ELP4: variants seen among roughly 807,000 people sequenced by gnomAD.
ELP4 encodes elongator complex protein 4.
Under a neutral mutation model 48.9 loss-of-function variants are expected in ELP4, and 51 were observed. That is an observed-to-expected ratio of 1.04 (90% CI 0.83 to 1.32). ELP4 has a LOEUF of 1.32. ELP4 is among the 40% of genes most tolerant of loss of function. The pLI is 0.00. For synonymous variants in ELP4, 210 were observed against 189.2 expected, an observed-to-expected ratio of 1.11 and a Z score of -0.90; for missense variants, 519 against 514.6, an observed-to-expected ratio of 1.01 and a Z score of -0.08.
rs1251898628 is a variant in ELP4, at chr11:31,594,805, A to G, written c.417A>G (p.Lys139=). Residue 139 remains lysine, a synonymous_variant, in exon 4 of 10, where the codon AAA becomes AAG. Transcript: ENST00000640961. ...LPAPLLDDKC[K]KEFDEDVYNH... is the part of the protein sequence containing the mutation. ...CACCATTACTTGATGATAAATGTAAAAAGGAATTTGATGAAGATGTATACA... is the reference window on the plus strand; with the variant it reads ...CACCATTACTTGATGATAAATGTAAGAAGGAATTTGATGAAGATGTATACA... 6.5e-7 allele frequency: 1 copy of G among 1,534,062 alleles called. No homozygotes were observed. The highest frequency in any genetic ancestry group is 8.7e-7 in the Non-Finnish European group (1 of 1,148,490).
At chr11:31,520,170 C>A in intron 2 of ELP4, 79 bp downstream of exon 2, 3 of 1,235,000 alleles carry the variant, frequency 2.4e-6, no homozygotes, top group African/African-American at 1.5e-5. Context: ...ATTCCCATTC[C>A]AAAATTATTT....
intron 7 of ELP4, chr11:31,637,420 A>T (rs2134054445): frequency 6.6e-6 from 1 of 152,110 alleles, no homozygotes; most frequent in South Asian, 2.1e-4. Context: ...AAGTAACTAA[A>T]ACACTATATT....
In ELP4 at chr11:31,745,336, A is replaced by G. The variant is rs1009996826; in HGVS notation, c.1144-38057A>G. On this transcript the variant is annotated intron_variant, in intron 9 of 9. Transcript: ENST00000640961. ...CTGCCCAAGGTAATTTATAGATTCA[A>G]TGCCATCCCCATCAAGCTACCAATG... Among the ~76,000 whole-genome samples, 127 of 152,328 alleles carry G rather than the reference A, an allele frequency of 8.3e-4. 1 individual carries two copies. Among genetic ancestry groups the G allele is most frequent in the African/African-American group, 2.9e-3 (122 of 41,582 alleles).
At position 31,587,697 on chromosome 11, in the gene ELP4, T is replaced by C. The variant is rs191610850; in HGVS notation, c.382-7073T>C. 5.9e-5 allele frequency among the ~76,000 whole-genome samples: 9 copies of C among 152,262 alleles called. No individual in the cohort carries two copies. In the East Asian group the frequency reaches 1.5e-3, roughly 26 times the overall value. ...TTATGTAATACTATTGTTATGGTAA[T>C]ATTTTTCTAGCATATTTATGGGTAA... On this transcript the variant is annotated intron_variant, in intron 3 of 9. Coordinates refer to ENST00000640961, the MANE Select transcript of ELP4 (RefSeq NM_019040.5).
At chr11:31,533,601 G>A (rs1466327080) in intron 2 of ELP4, among the ~76,000 whole-genome samples, 2 of 151,476 alleles carry the variant, frequency 1.3e-5, no homozygotes, top group East Asian at 3.9e-4. Flanking sequence ...TGTTAGCCAG[G>A]ATGGTCTCGA....
chr11:31,626,947 T>G (rs1046148211), intron 5 of ELP4, among the ~76,000 whole-genome samples, 163 bp from the exon 6 acceptor site: 1 of 151,940 alleles, frequency 6.6e-6, no homozygotes, highest in African/African-American at 2.4e-5. Context: ...ATTCCCTGTA[T>G]GTATTGACTT....
intron 9 of ELP4, among the ~76,000 whole-genome samples, chr11:31,741,725 C>G (rs1476288319): frequency 6.6e-6 from 1 of 152,134 alleles, no homozygotes; most frequent in East Asian, 1.9e-4. Context: ...GAAAGGACAT[C>G]AACACCAAAA....
chr11:31,688,308 CT>C (rs1444085004), intron 9 of ELP4, among the ~76,000 whole-genome samples: 3 of 152,184 alleles, frequency 2.0e-5, no homozygotes, highest in Non-Finnish European at 2.9e-5. Flanking sequence ...TTATCCCCAC[CT>C]CCATCCTCAC....
intron 9 of ELP4, among the ~76,000 whole-genome samples, chr11:31,741,493 C>A (rs993193876): frequency 1.3e-5 from 2 of 152,182 alleles, no homozygotes; most frequent in African/African-American, 2.4e-5. Context: ...GGGAGACACC[C>A]CCCAGTAGGG....
intron 7 of ELP4, among the ~76,000 whole-genome samples, chr11:31,638,723 G>C (rs940528653): frequency 6.6e-6 from 1 of 151,780 alleles, no homozygotes; most frequent in Non-Finnish European, 1.5e-5. Flanking sequence ...GAGAAATTCA[G>C]AACAAACCTT....
At chr11:31,559,031 T>A (rs2133938929) in intron 3 of ELP4, among the ~76,000 whole-genome samples, 1 of 152,200 alleles carries the variant, frequency 6.6e-6, no homozygotes, top group East Asian at 1.9e-4. Context: ...AGAAAATACA[T>A]TTTGTCAGCT....
At chr11:31,566,617 T>A (rs1006075157) in intron 3 of ELP4, among the ~76,000 whole-genome samples, 1 of 152,174 alleles carries the variant, frequency 6.6e-6, no homozygotes, top group Admixed American at 6.5e-5. Flanking sequence ...TTTATATTGA[T>A]GCAACACTTA....
rs376220260 is a variant in ELP4, at chr11:31,549,008, C to T, written c.381+9225C>T. On this transcript the variant is annotated intron_variant, in intron 3 of 9. Coordinates refer to ENST00000640961, the MANE Select transcript of ELP4 (RefSeq NM_019040.5). ...ATTCAAGATGGATTAAAGACTTAAA[C>T]GTTAGACCTAAAACCATAAAAACCC... is the stretch of plus-strand genomic sequence containing the variant. 2.7e-3 allele frequency among the ~76,000 whole-genome samples: 410 copies of T among 152,100 alleles called. 2 individuals are homozygous for T. The highest frequency in any genetic ancestry group is 9.4e-3 in the African/African-American group (389 of 41,478).
intron 9 of ELP4, among the ~76,000 whole-genome samples, chr11:31,751,780 T>G (rs1231881321): frequency 6.6e-6 from 1 of 152,168 alleles, no homozygotes; most frequent in East Asian, 1.9e-4. Context: ...CCTGTCTCAA[T>G]GCCTGGTACC....
At chr11:31,511,617 T>C (rs1233428810) in intron 1 of ELP4, 1 of 152,184 alleles carries the variant, frequency 6.6e-6, no homozygotes, top group African/African-American at 2.4e-5. Flanking sequence ...AGTGACCATG[T>C]GTACTGATTG....
chr11:31,777,509 C>G (rs547410796), intron 9 of ELP4, among the ~76,000 whole-genome samples: 1 of 152,310 alleles, frequency 6.6e-6, no homozygotes, highest in South Asian at 2.1e-4. Flanking sequence ...TGTGGCCCTT[C>G]TGGAAATTGA....
At chr11:31,735,440 C>T (rs1947289950) in intron 9 of ELP4, among the ~76,000 whole-genome samples, 3 of 152,200 alleles carry the variant, frequency 2.0e-5, no homozygotes, top group Non-Finnish European at 1.5e-5. Context: ...TCTCTCACCA[C>T]TCCTATTCAA....
At position 31,521,588 on chromosome 11, in the gene ELP4, A is replaced by AT. The variant is rs1411375722; in HGVS notation, c.259+1503dup. On this transcript the variant is annotated intron_variant, in intron 2 of 9. Transcript: ENST00000640961. Reference sequence around the variant, plus strand: ...TAAAGTAAAACTCACATTTATGGAGATTTTTTCTTTTAATGGATTTTCAAA... The same window carrying AT: ...TAAAGTAAAACTCACATTTATGGAGATTTTTTTCTTTTAATGGATTTTCAAA... Among the ~76,000 whole-genome samples the AT allele has an allele frequency of 2.0e-5, 3 of 152,008 alleles. No individual in the cohort carries two copies. The East Asian group carries it at 5.8e-4, about 29-fold the overall frequency.
intron 5 of ELP4, among the ~76,000 whole-genome samples, chr11:31,625,592 G>T (rs1344082375): frequency 6.6e-6 from 1 of 151,796 alleles, no homozygotes; most frequent in Non-Finnish European, 1.5e-5. Flanking sequence ...ATTATTATAT[G>T]AAATAATAAG....
Sources: gnomAD v4.1 joint callset for allele counts (sites outside exome capture counted in the v4.1 genomes callset) on GRCh38, gnomAD v4.1.1 for gene constraint, MANE v1.5 for transcripts, NCBI Gene and HGNC (gene_info 2026-07-23, HGNC 2026-07-21) for gene names.